Variants in OPHN1 observed in about 807,000 individuals in gnomAD.
OPHN1 encodes oligophrenin-1.
In OPHN1, 11 loss-of-function variants were observed where a neutral mutation model predicts 60.7. The observed-to-expected ratio is 0.18, with a 90% CI of 0.11 to 0.30. The LOEUF (loss-of-function observed/expected upper bound fraction) is 0.30. Ranked by LOEUF, OPHN1 falls within the 10% of genes least tolerant of loss-of-function variation. OPHN1 has a pLI of 1.00. For synonymous variants in OPHN1, 226 were observed against 222.6 expected (o/e 1.02, Z -0.14); for missense variants, 449 against 611.0 (o/e 0.73, Z 2.80).
intron 2 of OPHN1, among the ~76,000 whole-genome samples, chrX:68,394,142 G>A (rs938045118): frequency 6.4e-5 from 7 of 109,908 alleles, no homozygotes; most frequent in Admixed American, 2.0e-4. Flanking sequence ...TGATCCGCCC[G>A]CCTCGGCCTC....
chrX:68,245,460 G>T (rs2077801032), intron 5 of OPHN1, among the ~76,000 whole-genome samples: 1 of 111,902 alleles, frequency 8.9e-6, no homozygotes, highest in Non-Finnish European at 1.9e-5. Context: ...AAGGCATTTA[G>T]CAGACTCGTT....
chrX:68,351,767 G>A (rs1327280406), intron 2 of OPHN1, among the ~76,000 whole-genome samples: 2 of 111,092 alleles, frequency 1.8e-5, no homozygotes, highest in Non-Finnish European at 3.8e-5. Flanking sequence ...CGCGATCTCG[G>A]CTCACTGCAA....
chrX:68,431,288 T>C (rs774524374), intron 2 of OPHN1, among the ~76,000 whole-genome samples: 1 of 112,080 alleles, frequency 8.9e-6, no homozygotes, highest in East Asian at 2.8e-4. Flanking sequence ...CTGCAGGAAC[T>C]TCGACAGTGT....
Position 68,053,810 on chromosome X carries a change from C to A in OPHN1, c.2159G>T (p.Gly720Val). The A allele has an allele frequency of 8.3e-7, 1 of 1,208,426 alleles. No homozygotes were observed. Among genetic ancestry groups the A allele is most frequent in the South Asian group, 1.8e-5 (1 of 56,050 alleles). The change falls in exon 22 of 25, where the codon GGG becomes GTG. Residue 720 changes from glycine (G) to valine (V), a missense_variant and splice_region_variant. Physicochemically the swap from Gly to Val is moderately radical, Grantham distance 109. This residue lies in a region of OPHN1 where 184 missense variants were observed against 160.5 expected (regional missense o/e 1.15). Transcript: ENST00000355520. ...CACTTTGCTGAAACTGTCAGCATCC[C>A]CTGGAAGAGAAAATGATACCAGGAA... ...APRPLAHHKE[G>V]DADSFSKVRP... is the part of the protein sequence containing the mutation.
At chrX:68,241,632 A>G (rs1290101687) in intron 5 of OPHN1, among the ~76,000 whole-genome samples, 1 of 112,145 alleles carries the variant, frequency 8.9e-6, no homozygotes, top group Non-Finnish European at 1.9e-5. Context: ...AAACTCAACA[A>G]TAAGAGGCTG....
At chrX:68,345,861 C>T (rs5965555) in intron 2 of OPHN1, among the ~76,000 whole-genome samples, 37,958 of 111,642 alleles carry the variant, frequency 0.34, 8,126 homozygotes, top group African/African-American at 0.81. Context: ...CTGGGTTAAT[C>T]GGCTCACGCC....
Position 68,111,854 on chromosome X carries a change from T to C in OPHN1, c.1526A>G (p.Asn509Ser), listed in dbSNP as rs780926761. 52 of 1,182,260 alleles carry C rather than the reference T, an allele frequency of 4.4e-5. 1 individual carries two copies. Residue 509 changes from asparagine (N) to serine (S), a missense_variant and splice_region_variant, in exon 18 of 25, where the codon AAT (asparagine) becomes AGT (serine). This residue lies in a region of OPHN1 where 166 missense variants were observed against 278.4 expected (regional missense o/e 0.60). Coordinates refer to ENST00000355520, the MANE Select transcript of OPHN1 (RefSeq NM_002547.3). ...TTCTGAAAATCCAGCAGTTACTTAC[T>C]TGACCAAGTGTCTTATCAGAAGTTC... is the stretch of plus-strand genomic sequence containing the variant. ...MLELLIRHLV[N>S]VCEHSKENLM...
intron 2 of OPHN1, among the ~76,000 whole-genome samples, chrX:68,304,408 G>C (rs1401431770): frequency 9.2e-6 from 1 of 109,250 alleles, no homozygotes; most frequent in Non-Finnish European, 1.9e-5. Flanking sequence ...CATTTTTCTG[G>C]TGATTAATGA....
intron 2 of OPHN1, among the ~76,000 whole-genome samples, chrX:68,404,612 T>G (rs2078732491): frequency 9.0e-6 from 1 of 111,709 alleles, no homozygotes; most frequent in African/African-American, 3.3e-5. Flanking sequence ...AACCCAAATG[T>G]TCATTGATGG....
chrX:68,234,706 G>C, intron 5 of OPHN1, 118 bp from the exon 6 acceptor site: 1 of 571,929 alleles, frequency 1.7e-6, no homozygotes, highest in Non-Finnish European at 2.9e-6. Flanking sequence ...CTAGCTCCTG[G>C]AAGGAAAAAA....
At chrX:68,106,223 T>C (rs1483740582) in intron 18 of OPHN1, among the ~76,000 whole-genome samples, 1 of 108,546 alleles carries the variant, frequency 9.2e-6, no homozygotes, top group Non-Finnish European at 1.9e-5. Flanking sequence ...TTAAAAATTT[T>C]CTAATTTATA....
chrX:68,394,548 TTA>T (rs1379756900), intron 2 of OPHN1, among the ~76,000 whole-genome samples: 1 of 112,476 alleles, frequency 8.9e-6, no homozygotes, highest in Admixed American at 9.4e-5. Context: ...GTTAATATTT[TTA>T]TGTTATTATC....
At chrX:68,388,726 T>G (rs2078637257) in intron 2 of OPHN1, among the ~76,000 whole-genome samples, 1 of 111,069 alleles carries the variant, frequency 9.0e-6, no homozygotes, top group African/African-American at 3.3e-5. Context: ...TGGAAGGAAC[T>G]AGGTGAGGGG....
intron 15 of OPHN1, among the ~76,000 whole-genome samples, chrX:68,146,702 T>C (rs1047975674): frequency 1.8e-5 from 2 of 112,505 alleles, no homozygotes; most frequent in Admixed American, 9.4e-5. Context: ...TTCTTGGGAT[T>C]AATGTATTTG....
chrX:68,152,763 C>T (rs777109554), intron 15 of OPHN1, among the ~76,000 whole-genome samples: 1 of 110,652 alleles, frequency 9.0e-6, no homozygotes, highest in East Asian at 2.9e-4. Flanking sequence ...CTATTGATTC[C>T]CTCTTAATAT....
At chrX:68,314,347 C>T (rs1281494515) in intron 2 of OPHN1, among the ~76,000 whole-genome samples, 2 of 110,295 alleles carry the variant, frequency 1.8e-5, no homozygotes, top group African/African-American at 6.6e-5. Context: ...CAAGGTGAAA[C>T]CCCATCTCTA....
At chrX:68,389,014 G>A (rs1358410641) in intron 2 of OPHN1, among the ~76,000 whole-genome samples, 1 of 107,870 alleles carries the variant, frequency 9.3e-6, no homozygotes, top group Non-Finnish European at 1.9e-5. Context: ...GAGTACAGTG[G>A]TGTAATCATG....
intron 6 of OPHN1, among the ~76,000 whole-genome samples, chrX:68,228,957 T>C (rs746081470): frequency 9.0e-6 from 1 of 110,531 alleles, no homozygotes; most frequent in Non-Finnish European, 1.9e-5. Context: ...AATTAGGAAA[T>C]GAGGAAGTCA....
chrX:68,394,826 T>C (rs992134653), intron 2 of OPHN1, among the ~76,000 whole-genome samples: 3 of 111,679 alleles, frequency 2.7e-5, no homozygotes, highest in Non-Finnish European at 5.6e-5. Flanking sequence ...TTTGTATTTT[T>C]AGTAGAGACG....
Sources: gnomAD v4.1 joint callset for allele counts (sites outside exome capture counted in the v4.1 genomes callset) on GRCh38, gnomAD v4.1.1 for gene constraint, gnomAD v4.1.1 regional missense constraint, MANE v1.5 for transcripts, NCBI Gene and HGNC (gene_info 2026-07-23, HGNC 2026-07-21) for gene names.